WWOX: variants seen among roughly 807,000 people sequenced by gnomAD.
The protein encoded by WWOX is WW domain containing oxidoreductase.
Under a neutral mutation model 46.2 loss-of-function variants are expected in WWOX, and 69 were observed. The observed-to-expected ratio is 1.49, with a 90% CI of 1.23 to 1.82. WWOX has a LOEUF of 1.82. WWOX is among the 40% of genes most tolerant of loss of function. WWOX has a pLI of 0.00. For missense variants in WWOX, 919 were observed against 542.6 expected, an observed-to-expected ratio of 1.69 and a Z score of -6.89; for synonymous variants, 359 against 202.6, an observed-to-expected ratio of 1.77 and a Z score of -6.56.
intron 8 of WWOX, among the ~76,000 whole-genome samples, chr16:78,472,326 G>T (rs1342526267): frequency 6.6e-6 from 1 of 152,088 alleles, no homozygotes; most frequent in East Asian, 1.9e-4. Context: ...CATATTCCAA[G>T]CCTGTCAATT....
intron 5 of WWOX, among the ~76,000 whole-genome samples, chr16:78,268,264 T>C (rs1368325243): frequency 1.3e-5 from 2 of 152,210 alleles, no homozygotes; most frequent in Non-Finnish European, 2.9e-5. Context: ...ATTCTATTTT[T>C]CCCCATTGGT....
intron 5 of WWOX, among the ~76,000 whole-genome samples, chr16:78,194,752 C>G (rs148096218): frequency 6.6e-6 from 1 of 151,814 alleles, no homozygotes; most frequent in Non-Finnish European, 1.5e-5. Context: ...CTCTTCTACT[C>G]CTTTGGATGT....
chr16:79,154,121 A>G lies in WWOX; in HGVS notation c.1057-57487A>G, dbSNP rs901084590. 3.9e-5 allele frequency among the ~76,000 whole-genome samples: 6 copies of G among 152,336 alleles called. No individual in the cohort carries two copies. The East Asian group carries it at 9.6e-4, about 24-fold the overall frequency. ...GATAGTCTTTTAAAAACAAGTTCTC[A>G]TCTATTCAATGTCAGAGCCCTAAAT... is the stretch of plus-strand genomic sequence containing the variant. On this transcript the variant is annotated intron_variant, in intron 8 of 8. Coordinates refer to ENST00000566780, the MANE Select transcript of WWOX (RefSeq NM_016373.4).
At chr16:78,230,320 G>T (rs71396166) in intron 5 of WWOX, among the ~76,000 whole-genome samples, 18,520 of 152,124 alleles carry the variant, frequency 0.12, 1,334 homozygotes, top group Non-Finnish European at 0.16. Flanking sequence ...CTTACAAAAG[G>T]CCAGGCCTAG....
intron 8 of WWOX, among the ~76,000 whole-genome samples, chr16:78,536,152 G>C (rs1597228569): frequency 6.6e-6 from 1 of 152,092 alleles, no homozygotes; most frequent in South Asian, 2.1e-4. Flanking sequence ...TTAAGATACA[G>C]GCACCACAAC....
At chr16:78,570,908 G>C (rs2044700585) in intron 8 of WWOX, among the ~76,000 whole-genome samples, 1 of 152,208 alleles carries the variant, frequency 6.6e-6, no homozygotes, top group African/African-American at 2.4e-5. Flanking sequence ...GGAGCTGGCA[G>C]TGTGAATAGC....
At chr16:79,072,018 C>T (rs2048560863) in intron 8 of WWOX, among the ~76,000 whole-genome samples, 1 of 152,144 alleles carries the variant, frequency 6.6e-6, no homozygotes, top group Non-Finnish European at 1.5e-5. Context: ...CATGGTGGCT[C>T]ATGCCTGTAA....
chr16:79,002,478 C>T (rs2047113355), intron 8 of WWOX, among the ~76,000 whole-genome samples: 2 of 152,286 alleles, frequency 1.3e-5, no homozygotes, highest in Admixed American at 6.5e-5. Context: ...CTGCCTTGGC[C>T]TCCCAAAGTG....
chr16:78,665,922 T>A (rs531955161), intron 8 of WWOX, among the ~76,000 whole-genome samples: 3 of 151,896 alleles, frequency 2.0e-5, no homozygotes, highest in African/African-American at 7.2e-5. Flanking sequence ...TGACTTCAAG[T>A]GATCTGCCCA....
chr16:78,899,032 A>G (rs192085031), intron 8 of WWOX: 103 of 152,234 alleles, frequency 6.8e-4, no homozygotes, highest in African/African-American at 2.4e-3. Flanking sequence ...AATTCTCTAC[A>G]TCTCTGAATA....
chr16:79,108,531 A>G (rs1011060700), intron 8 of WWOX, among the ~76,000 whole-genome samples: 2 of 152,246 alleles, frequency 1.3e-5, no homozygotes, highest in African/African-American at 2.4e-5. Context: ...ATGAACCACC[A>G]TCTGGGCACT....
intron 8 of WWOX, chr16:78,496,021 C>T (rs2738724): frequency 0.74 from 112,838 of 152,090 alleles, 44,258 homozygotes; most frequent in Admixed American, 0.86. Flanking sequence ...TTTTGCTGAA[C>T]TATGGAGTTT....
chr16:78,400,781 C>T (rs1410026126), intron 6 of WWOX, among the ~76,000 whole-genome samples: 1 of 151,890 alleles, frequency 6.6e-6, no homozygotes, highest in East Asian at 1.9e-4. Flanking sequence ...AATGAATACA[C>T]TGTTACCCCT....
At chr16:78,278,290 C>T (rs2079614834) in intron 5 of WWOX, among the ~76,000 whole-genome samples, 1 of 152,092 alleles carries the variant, frequency 6.6e-6, no homozygotes, top group African/African-American at 2.4e-5. Context: ...CGCAAGGGTA[C>T]TTCTCTGCCA....
At position 78,214,046 on chromosome 16, in the gene WWOX, G is replaced by A. The variant is rs944777774; in HGVS notation, c.516+49757G>A. 3.3e-5 allele frequency among the ~76,000 whole-genome samples: 5 copies of A among 152,236 alleles called. No homozygotes were observed. The East Asian group carries it at 9.7e-4, about 30-fold the overall frequency. On this transcript the variant is annotated intron_variant, in intron 5 of 8. Coordinates refer to ENST00000566780, the MANE Select transcript of WWOX (RefSeq NM_016373.4). ...TGCGCCTCCCAGCCACTGGGGCAGG[G>A]GCACCTGGCCCATCAGACTTACCTT...
At chr16:79,204,937 C>G (rs1005944408) in intron 8 of WWOX, 1 of 152,214 alleles carries the variant, frequency 6.6e-6, no homozygotes, top group Non-Finnish European at 1.5e-5. Flanking sequence ...TTCGAGTCCA[C>G]CTCTTAAAAC....
intron 8 of WWOX, among the ~76,000 whole-genome samples, chr16:78,755,858 C>A (rs60462427): frequency 6.6e-6 from 1 of 152,198 alleles, no homozygotes; most frequent in African/African-American, 2.4e-5. Context: ...TTTTTCTCCT[C>A]CTCTATGCAC....
At chr16:78,442,154 T>G (rs1011761489) in intron 8 of WWOX, among the ~76,000 whole-genome samples, 1 of 151,862 alleles carries the variant, frequency 6.6e-6, no homozygotes, top group Non-Finnish European at 1.5e-5. Context: ...AAAAAAAAAT[T>G]ATATGTATTC....
chr16:78,258,781 T>C (rs897110353), intron 5 of WWOX, among the ~76,000 whole-genome samples: 7 of 149,654 alleles, frequency 4.7e-5, no homozygotes, highest in Non-Finnish European at 8.9e-5. Context: ...TTACTTTAAG[T>C]ACTCCTCATA....
Sources: allele counts gnomAD v4.1 joint callset (sites outside exome capture counted in the v4.1 genomes callset), GRCh38; gene constraint gnomAD v4.1.1; transcripts MANE v1.5; gene names NCBI Gene and HGNC (gene_info 2026-07-23, HGNC 2026-07-21).